The following CHRM3 variants were observed in gnomAD, a reference collection of about 807,000 sequenced individuals.
CHRM3 encodes the protein muscarinic acetylcholine receptor M3.
CHRM3 carries 11 observed loss-of-function variants against 41.8 expected under a neutral mutation model. The ratio of observed to expected loss-of-function variants is 0.26; its 90% CI spans 0.17 to 0.44. The LOEUF is 0.44. Ranked by LOEUF, CHRM3 falls within the 20% of genes least tolerant of loss-of-function variation. The pLI is 1.00. For synonymous variants in CHRM3, 297 were observed against 301.4 expected (o/e 0.99, Z 0.15); for missense variants, 571 against 745.4 (o/e 0.77, Z 2.72).
chr1:239,499,738 C>A (rs1289369412), intron 2 of CHRM3, among the ~76,000 whole-genome samples: 4 of 151,978 alleles, frequency 2.6e-5, no homozygotes. Context: ...CACCAGGTAA[C>A]CTATAAAGGA....
At chr1:239,590,480 T>A (rs1314233785) in intron 3 of CHRM3, among the ~76,000 whole-genome samples, 1 of 152,208 alleles carries the variant, frequency 6.6e-6, no homozygotes, top group East Asian at 1.9e-4. Context: ...TTCTCCTGAA[T>A]GTGGGTATAT....
intron 6 of CHRM3, among the ~76,000 whole-genome samples, chr1:239,830,949 A>G (rs930283394): frequency 1.3e-5 from 2 of 151,770 alleles, no homozygotes; most frequent in Admixed American, 6.6e-5. Context: ...AAGTTCCCCT[A>G]TTCATTCCAT....
intron 5 of CHRM3, among the ~76,000 whole-genome samples, chr1:239,679,941 G>T (rs956251382): frequency 1.3e-5 from 2 of 152,016 alleles, no homozygotes; most frequent in African/African-American, 4.8e-5. Flanking sequence ...AAGAGATACT[G>T]GTTCTCCGGC....
At chr1:239,869,193 C>T (rs1208095742) in intron 6 of CHRM3, among the ~76,000 whole-genome samples, 2 of 152,056 alleles carry the variant, frequency 1.3e-5, no homozygotes, top group Non-Finnish European at 2.9e-5. Context: ...GGGGAGCGCA[C>T]CTGGGCAGGA....
chr1:239,902,937 G>C (rs1040128595), intron 6 of CHRM3, among the ~76,000 whole-genome samples: 1 of 152,092 alleles, frequency 6.6e-6, no homozygotes, highest in Admixed American at 6.6e-5. Context: ...TTTTAAATAA[G>C]GAAAAGCACA....
intron 1 of CHRM3, among the ~76,000 whole-genome samples, chr1:239,394,488 A>G (rs1659311818): frequency 6.6e-6 from 1 of 152,192 alleles, no homozygotes; most frequent in Non-Finnish European, 1.5e-5. Context: ...TCATCACATC[A>G]CATCTTTTGT....
At chr1:239,413,801 A>G (rs180731451) in intron 1 of CHRM3, among the ~76,000 whole-genome samples, 1 of 152,364 alleles carries the variant, frequency 6.6e-6, no homozygotes, top group African/African-American at 2.4e-5. Context: ...AAGTTAGCAT[A>G]GTTCTGCAGT....
At chr1:239,551,302 A>G (rs1288381346) in intron 3 of CHRM3, among the ~76,000 whole-genome samples, 2 of 151,628 alleles carry the variant, frequency 1.3e-5, no homozygotes, top group South Asian at 2.1e-4. Context: ...AGCTGGGATT[A>G]CAGCCATGCA....
At chr1:239,611,707 CCG>C (rs1667092441) in intron 3 of CHRM3, among the ~76,000 whole-genome samples, 5 of 152,140 alleles carry the variant, frequency 3.3e-5, no homozygotes, top group African/African-American at 4.8e-5. Flanking sequence ...GCATGAGCCA[CCG>C]CACCCAGCCG....
At chr1:239,605,951 AT>A (rs1459653131) in intron 3 of CHRM3, 2 of 152,112 alleles carry the variant, frequency 1.3e-5, no homozygotes, top group Non-Finnish European at 2.9e-5. Context: ...GGTCAAAACT[AT>A]TTTCATAATA....
At chr1:239,598,948 C>T (rs1665152743) in intron 3 of CHRM3, among the ~76,000 whole-genome samples, 1 of 151,584 alleles carries the variant, frequency 6.6e-6, no homozygotes, top group Non-Finnish European at 1.5e-5. Context: ...GTACCACTCA[C>T]TCATGTTTTG....
intron 5 of CHRM3, among the ~76,000 whole-genome samples, chr1:239,810,672 A>G (rs1351863809): frequency 6.6e-6 from 1 of 152,242 alleles, no homozygotes; most frequent in Non-Finnish European, 1.5e-5. Context: ...AGTAATTATA[A>G]TTATTATCGG....
chr1:239,907,495 A>G lies in CHRM3; in HGVS notation c.44A>G (p.Asn15Ser), dbSNP rs776890253. 1.3e-5 allele frequency: 21 copies of G among 1,614,004 alleles called. No individual in the cohort carries two copies. The highest frequency in any genetic ancestry group is 1.8e-5 in the Non-Finnish European group (21 of 1,180,030). Residue 15 changes from asparagine to serine, a missense_variant, in exon 7 of 7, where the codon AAC becomes AGC. Physicochemically the swap from Asn to Ser is conservative, Grantham distance 46. Coordinates refer to ENST00000676153, the MANE Select transcript of CHRM3 (RefSeq NM_001375978.1). This position sits in a 1 kb window ranked among gnomAD's most constrained non-coding sequence, Gnocchi z 5.4. ...NNSTTSPLFP[N>S]ISSSWIHSPS... is the part of the protein sequence containing the mutation. ...AGTACAACCTCGCCTTTGTTTCCAA[A>G]CATCAGCTCCTCCTGGATACACAGC...
intron 2 of CHRM3, among the ~76,000 whole-genome samples, chr1:239,494,599 A>G (rs181958777): frequency 1.3e-5 from 2 of 152,118 alleles, no homozygotes; most frequent in African/African-American, 4.8e-5. Flanking sequence ...GGTCTATTGC[A>G]TAGTTGAATA....
rs1680471719 is a variant in CHRM3 at position 239,913,388 on chromosome 1, C to A, written c.*4164C>A. On this transcript the variant is annotated 3_prime_UTR_variant, in exon 7 of 7. Transcript: ENST00000676153. ...CTAAAGAACCCTACTTCTAGCACCT[C>A]CTCTGAAAGAATATTTTGCTCCAAT... The A allele has an allele frequency of 6.0e-6, 1 of 167,064 alleles. No individual in the cohort carries two copies. The highest frequency in any genetic ancestry group is 6.5e-5 in the Admixed American group (1 of 15,276). The allele number at this position is 167,064 out of a possible 1,614,324, so 10.3% of individuals were successfully genotyped here.
chr1:239,545,783 G>C (rs1436310955), intron 3 of CHRM3, 34 bp downstream of exon 3: 1 of 152,026 alleles, frequency 6.6e-6, no homozygotes, highest in Non-Finnish European at 1.5e-5. Context: ...CATGTACACA[G>C]TTATATGTTG....
chr1:239,906,052 G>A (rs984059795), intron 6 of CHRM3, among the ~76,000 whole-genome samples: 26 of 152,116 alleles, frequency 1.7e-4, no homozygotes, highest in African/African-American at 6.3e-4. Flanking sequence ...TTTTCAATGA[G>A]AAAACTTGGA....
chr1:239,824,626 A>G (rs1672311664), intron 5 of CHRM3, among the ~76,000 whole-genome samples: 1 of 152,248 alleles, frequency 6.6e-6, no homozygotes, highest in Non-Finnish European at 1.5e-5. Flanking sequence ...AATTATGATT[A>G]TCTTAACAAG....
chr1:239,816,966 C>A (rs1298532587), intron 5 of CHRM3, among the ~76,000 whole-genome samples: 1 of 152,022 alleles, frequency 6.6e-6, no homozygotes, highest in Non-Finnish European at 1.5e-5. Flanking sequence ...CTCCTGACTC[C>A]CCCACCTCGG....
Sources: allele counts gnomAD v4.1 joint callset (sites outside exome capture counted in the v4.1 genomes callset), GRCh38; gene constraint gnomAD v4.1.1; non-coding constraint Gnocchi (gnomAD v3.1); transcripts MANE v1.5; gene names NCBI Gene and HGNC (gene_info 2026-07-23, HGNC 2026-07-21).